KIRREL3: variants seen among roughly 807,000 people sequenced by gnomAD.
The protein encoded by KIRREL3 is kirre like nephrin family adhesion molecule 3, also known as kin of IRRE-like protein 3.
Under a neutral mutation model 89.7 loss-of-function variants are expected in KIRREL3, and 36 were observed. That is an observed-to-expected ratio of 0.40 (90% CI 0.31 to 0.53). KIRREL3 has a LOEUF of 0.53. Ranked by LOEUF, KIRREL3 falls within the 20% of genes least tolerant of loss-of-function variation. The pLI, the probability that KIRREL3 is intolerant of heterozygous loss-of-function variation, is 0.49. For missense variants in KIRREL3, 864 were observed against 1,056.6 expected, an observed-to-expected ratio of 0.82 and a Z score of 2.53; for synonymous variants, 445 against 441.4, an observed-to-expected ratio of 1.01 and a Z score of -0.10.
rs1946217572 is a variant in KIRREL3 at position 126,897,579 on chromosome 11, A to T, written c.55+102876T>A. ...GCACAGCATCCTCCTGTTTGTATAT[A>T]GCAGACCATTAGGGTATTTTTATTT... On this transcript the variant is annotated intron_variant, in intron 1 of 16. Transcript: ENST00000525144. This position sits in a 1 kb window ranked among gnomAD's most constrained non-coding sequence, Gnocchi z 4.2. Among the ~76,000 whole-genome samples, 2 of 152,206 alleles carry T rather than the reference A, an allele frequency of 1.3e-5. No homozygotes were observed. The highest frequency in any genetic ancestry group is 4.1e-4 in the South Asian group (2 of 4,824).
intron 1 of KIRREL3, among the ~76,000 whole-genome samples, chr11:126,820,102 G>A (rs68043122): frequency 0.23 from 34,945 of 152,068 alleles, 4,672 homozygotes; most frequent in Non-Finnish European, 0.31. Flanking sequence ...AGTCCTGGGG[G>A]TACACCAATG....
chr11:126,828,914 A>T (rs1943509090), intron 1 of KIRREL3, among the ~76,000 whole-genome samples: 1 of 152,034 alleles, frequency 6.6e-6, no homozygotes, highest in Admixed American at 6.5e-5. Flanking sequence ...AGGAGAGGGG[A>T]CAGTGAGATG....
rs1949429886 is a variant in KIRREL3, at chr11:126,754,490, A to G, written c.56-191578T>C. On this transcript the variant is annotated intron_variant, in intron 1 of 16. Coordinates refer to ENST00000525144, the MANE Select transcript of KIRREL3 (RefSeq NM_032531.4). The surrounding 1 kb of genome is among the most constrained non-coding windows in gnomAD (Gnocchi z 5.1). The stretch of plus-strand genomic sequence containing the variant: ...CTAATTAACATGCACAGAAAATATC[A>G]GAACAAAATGGGCAGAGTCTACTTG... Among the ~76,000 whole-genome samples the G allele has an allele frequency of 2.0e-5, 3 of 152,148 alleles. No homozygotes were observed. The South Asian group carries it at 6.2e-4, about 32-fold the overall frequency.
chr11:126,798,006 T>C (rs1950866654), intron 1 of KIRREL3, among the ~76,000 whole-genome samples: 1 of 152,156 alleles, frequency 6.6e-6, no homozygotes, highest in African/African-American at 2.4e-5. Flanking sequence ...GGAAGGCTCA[T>C]ATCTTGGGGC....
chr11:126,960,475 A>G (rs1170723681), intron 1 of KIRREL3, among the ~76,000 whole-genome samples: 3 of 152,190 alleles, frequency 2.0e-5, no homozygotes, highest in African/African-American at 7.2e-5. Flanking sequence ...GATTTAAAAG[A>G]CAAGCACAGA....
Position 126,446,770 on chromosome 11 carries a change from C to T in KIRREL3, c.1114G>A (p.Gly372Ser). 1 of 1,600,708 alleles carries T rather than the reference C, an allele frequency of 6.2e-7. No individual in the cohort carries two copies. The highest frequency in any genetic ancestry group is 8.5e-7 in the Non-Finnish European group (1 of 1,173,934). The change falls in exon 9 of 17, where the codon GGC (glycine) becomes AGC (serine). Residue 372 changes from glycine (G) to serine (S), a missense_variant. Gly to Ser is a moderately conservative substitution (Grantham distance 56). Transcript: ENST00000525144. ...PSLTIVWMKR[G>S]SGVVLSNEKT... ...AGCTGCAGCCTCACCACTCCGGAGC[C>T]CCGCTTCATCCAGACGATGGTCAGG...
At chr11:126,806,747 A>G (rs1951215784) in intron 1 of KIRREL3, among the ~76,000 whole-genome samples, 1 of 152,174 alleles carries the variant, frequency 6.6e-6, no homozygotes, top group Non-Finnish European at 1.5e-5. Flanking sequence ...TACATGTGCC[A>G]TGGTGGTTTG....
intron 1 of KIRREL3, among the ~76,000 whole-genome samples, chr11:126,711,818 A>G (rs898337397): frequency 2.0e-5 from 3 of 152,220 alleles, no homozygotes; most frequent in African/African-American, 7.2e-5. Context: ...TTCAAGCCAC[A>G]GAGCCTCCCC....
chr11:126,870,789 C>T lies in KIRREL3; in HGVS notation c.55+129666G>A, dbSNP rs1456554084. On this transcript the variant is annotated intron_variant, in intron 1 of 16. Transcript: ENST00000525144. The surrounding 1 kb of genome is among the most constrained non-coding windows in gnomAD (Gnocchi z 4.4). ...GACAGCTACCCAGAGCACACTGCCC[C>T]TCCCCACTTCCAGTGTAGTTCCTGC... Among the ~76,000 whole-genome samples the T allele has an allele frequency of 1.3e-5, 2 of 152,194 alleles. No homozygotes were observed. The highest frequency in any genetic ancestry group is 4.8e-5 in the African/African-American group (2 of 41,446).
intron 1 of KIRREL3, among the ~76,000 whole-genome samples, chr11:126,661,776 G>A (rs1445661813): frequency 1.3e-5 from 2 of 152,130 alleles, no homozygotes; most frequent in South Asian, 2.1e-4. Flanking sequence ...AATTGGTCAG[G>A]GATGGGTCCT....
chr11:126,764,533 C>G lies in KIRREL3; in HGVS notation c.56-201621G>C, dbSNP rs995753103. On this transcript the variant is annotated intron_variant, in intron 1 of 16. Transcript: ENST00000525144. This position sits in a 1 kb window ranked among gnomAD's most constrained non-coding sequence, Gnocchi z 4.2. ...TGCTCAACAACCTTCTTTGCTGCACCCGCCGCTGCCTCATGAGGTTCCTGG... is the reference window on the plus strand; with the variant it reads ...TGCTCAACAACCTTCTTTGCTGCACGCGCCGCTGCCTCATGAGGTTCCTGG... 1.3e-5 allele frequency among the ~76,000 whole-genome samples: 2 copies of G among 152,172 alleles called. No homozygotes were observed. The highest frequency in any genetic ancestry group is 2.9e-5 in the Non-Finnish European group (2 of 68,032).
rs969175589 is a variant in KIRREL3 at position 126,622,088 on chromosome 11, C to G, written c.56-59176G>C. Among the ~76,000 whole-genome samples the G allele has an allele frequency of 6.6e-6, 1 of 152,144 alleles. No homozygotes were observed. The highest frequency in any genetic ancestry group is 6.5e-5 in the Admixed American group (1 of 15,280). ...TGGGTGTGGTAATGGGGCATTGCCA[C>G]AGATTAGGTATCTCATTTGTGTCAT... On this transcript the variant is annotated intron_variant, in intron 1 of 16. Transcript: ENST00000525144. This position sits in a 1 kb window ranked among gnomAD's most constrained non-coding sequence, Gnocchi z 5.2.
intron 1 of KIRREL3, among the ~76,000 whole-genome samples, chr11:126,617,627 C>T: frequency 6.6e-6 from 1 of 152,058 alleles, no homozygotes; most frequent in East Asian, 1.9e-4. Flanking sequence ...CCTAGAGCTG[C>T]CATTTATTGA....
At chr11:126,828,467 G>A (rs1252411879) in intron 1 of KIRREL3, among the ~76,000 whole-genome samples, 1 of 152,158 alleles carries the variant, frequency 6.6e-6, no homozygotes, top group Non-Finnish European at 1.5e-5. Context: ...TTAGAATGTG[G>A]CAGTATAAAA....
intron 1 of KIRREL3, among the ~76,000 whole-genome samples, chr11:126,815,777 T>G (rs920096013): frequency 1.3e-5 from 2 of 152,290 alleles, no homozygotes; most frequent in South Asian, 2.1e-4. Context: ...CCTCGTGATC[T>G]GCCCACCTCG....
intron 10 of KIRREL3, chr11:126,440,772 AC>A (rs1314350372): frequency 1.7e-6 from 1 of 599,742 alleles, no homozygotes; most frequent in Admixed American, 2.8e-5. Context: ...CTAAGTCAGA[AC>A]CCCCAGAAGA....
intron 4 of KIRREL3, among the ~76,000 whole-genome samples, chr11:126,478,544 T>C (rs1258448766): frequency 1.3e-5 from 2 of 152,062 alleles, no homozygotes; most frequent in Admixed American, 6.5e-5. Flanking sequence ...TGTGTGTACA[T>C]GTGTGTATAT....
chr11:126,675,870 G>A (rs768566661), intron 1 of KIRREL3, among the ~76,000 whole-genome samples: 16 of 152,260 alleles, frequency 1.1e-4, no homozygotes, highest in Non-Finnish European at 1.8e-4. Flanking sequence ...GGCCACTTAG[G>A]AGGCCACAGC....
intron 1 of KIRREL3, among the ~76,000 whole-genome samples, chr11:126,832,887 A>G (rs1268202845): frequency 4.6e-5 from 7 of 152,120 alleles, no homozygotes; most frequent in Non-Finnish European, 8.8e-5. Context: ...TCCCTTTAAC[A>G]TGGATTTGTT....
Sources: allele counts gnomAD v4.1 joint callset (sites outside exome capture counted in the v4.1 genomes callset), GRCh38; gene constraint gnomAD v4.1.1; non-coding constraint Gnocchi (gnomAD v3.1); transcripts MANE v1.5; gene names NCBI Gene and HGNC (gene_info 2026-07-23, HGNC 2026-07-21).